Variants in KIAA1217 observed in about 807,000 individuals in gnomAD.
KIAA1217 encodes the protein sickle tail protein homolog.
KIAA1217 carries 88 observed loss-of-function variants against 163.9 expected under a neutral mutation model. That is an observed-to-expected ratio of 0.54 (90% CI 0.45 to 0.64). The LOEUF (loss-of-function observed/expected upper bound fraction) is 0.64, where lower values mean the gene tolerates loss of function less well. Ranked by LOEUF, KIAA1217 falls within the 30% of genes least tolerant of loss-of-function variation. The probability of loss-of-function intolerance (pLI) is 0.00; values close to 1 mark genes in which losing one functional copy is unlikely to be tolerated. For missense variants in KIAA1217, 2,372 were observed against 2,475.0 expected (o/e 0.96, Z 0.88); for synonymous variants, 903 against 923.1 (o/e 0.98, Z 0.39).
intron 6 of KIAA1217, among the ~76,000 whole-genome samples, chr10:24,478,868 T>C (rs1046887616): frequency 1.3e-5 from 2 of 152,264 alleles, no homozygotes; most frequent in Non-Finnish European, 2.9e-5. Context: ...ATACCTTTAG[T>C]GAAATAACAC....
chr10:23,923,383 G>C (rs1842917324), intron 1 of KIAA1217, among the ~76,000 whole-genome samples: 1 of 152,192 alleles, frequency 6.6e-6, no homozygotes, highest in Admixed American at 6.5e-5. Flanking sequence ...TCACACTGTG[G>C]TAGGGTGGAT....
chr10:23,803,815 C>A (rs1836600056), intron 1 of KIAA1217, among the ~76,000 whole-genome samples: 1 of 152,064 alleles, frequency 6.6e-6, no homozygotes, highest in South Asian at 2.1e-4. Context: ...TCTCAAATTG[C>A]ATTTTGATGA....
rs1254469621 is a variant in KIAA1217, at chr10:24,002,497, G to C, written c.-320-4728G>C. ...CCAGGCCTCCTCAGATGCCCAGTGG[G>C]TCCACCAGAGGCTCTGGCGGGGACC... On this transcript the variant is annotated intron_variant, in intron 1 of 18. Transcript: ENST00000376462. Among the ~76,000 whole-genome samples, 3 of 152,072 alleles carry C rather than the reference G, an allele frequency of 2.0e-5. No individual in the cohort carries two copies. In the East Asian group the frequency reaches 5.8e-4, roughly 29 times the overall value.
intron 1 of KIAA1217, among the ~76,000 whole-genome samples, chr10:24,218,965 T>A (rs754488989): frequency 1.3e-5 from 2 of 152,170 alleles, no homozygotes; most frequent in Non-Finnish European, 2.9e-5. Flanking sequence ...TATATAAGAA[T>A]CCTGTTACCA....
chr10:24,332,021 G>A (rs1182090607), intron 2 of KIAA1217, among the ~76,000 whole-genome samples: 3 of 152,192 alleles, frequency 2.0e-5, no homozygotes, highest in African/African-American at 7.2e-5. Context: ...GGCTGGTCTT[G>A]CACTCCTAAC....
At chr10:23,712,024 T>C (rs1048904727) in intron 1 of KIAA1217, among the ~76,000 whole-genome samples, 1 of 152,124 alleles carries the variant, frequency 6.6e-6, no homozygotes, top group African/African-American at 2.4e-5. Context: ...TGTCAGAGAA[T>C]GACCTTCACC....
At chr10:24,451,162 C>G (rs970635633) in intron 5 of KIAA1217, among the ~76,000 whole-genome samples, 1 of 152,166 alleles carries the variant, frequency 6.6e-6, no homozygotes, top group African/African-American at 2.4e-5. Flanking sequence ...ACCTTTCCTG[C>G]TCTCTTCTTT....
intron 1 of KIAA1217, among the ~76,000 whole-genome samples, chr10:23,805,741 C>T (rs150921140): frequency 0.013 from 1,914 of 151,994 alleles, 36 homozygotes; most frequent in African/African-American, 0.042. Flanking sequence ...GGGCCAGGTG[C>T]GGTGGCTCAC....
At chr10:23,718,037 T>C (rs192874697) in intron 1 of KIAA1217, among the ~76,000 whole-genome samples, 3 of 152,364 alleles carry the variant, frequency 2.0e-5, no homozygotes, top group African/African-American at 7.2e-5. Context: ...TTGGTTCGTC[T>C]AAGTCCTCCT....
At chr10:24,232,935 C>CAAAAAAAAAAAAAAA (rs908492411) in intron 2 of KIAA1217, among the ~76,000 whole-genome samples, 10 of 56,314 alleles carry the variant, frequency 1.8e-4, no homozygotes, top group South Asian at 2.0e-3. Flanking sequence ...CTTATCTCTA[C>CAAAAAAAAAAAAAAA]AAAAAAAAAA....
intron 5 of KIAA1217, chr10:24,466,432 T>G: frequency 1.9e-4 from 126 of 673,034 alleles, no homozygotes; most frequent in South Asian, 3.3e-4. Flanking sequence ...GAGTCACCCG[T>G]GAGGTAGCCT....
At chr10:24,093,834 T>C (rs922993142) in intron 2 of KIAA1217, among the ~76,000 whole-genome samples, 10 of 124,584 alleles carry the variant, frequency 8.0e-5, no homozygotes, top group Non-Finnish European at 1.3e-4. Context: ...CAGAGTGTGA[T>C]GTTCCCCTTC....
At chr10:24,191,825 C>T (rs1416107575) in intron 2 of KIAA1217, among the ~76,000 whole-genome samples, 3 of 152,238 alleles carry the variant, frequency 2.0e-5, no homozygotes, top group African/African-American at 7.2e-5. Flanking sequence ...GCAACCTCAA[C>T]TCACTGCAAC....
At chr10:23,865,557 A>G (rs1379892975) in intron 1 of KIAA1217, among the ~76,000 whole-genome samples, 2 of 152,092 alleles carry the variant, frequency 1.3e-5, no homozygotes, top group African/African-American at 4.8e-5. Flanking sequence ...ATCATTGAAC[A>G]TTCTAAATGT....
At chr10:24,396,737 G>A (rs1214919474) in intron 3 of KIAA1217, among the ~76,000 whole-genome samples, 2 of 152,192 alleles carry the variant, frequency 1.3e-5, no homozygotes, top group East Asian at 1.9e-4. Flanking sequence ...CAGCAAAAAG[G>A]CCACTATGAT....
chr10:24,057,184 C>A (rs559794096), intron 2 of KIAA1217, among the ~76,000 whole-genome samples: 12 of 152,062 alleles, frequency 7.9e-5, no homozygotes, highest in Non-Finnish European at 1.8e-4. Context: ...GAGGTGGAGG[C>A]TGCAGTGAAC....
chr10:23,993,601 A>G lies in KIAA1217; in HGVS notation c.-320-13624A>G, dbSNP rs1373158792. 2.8e-5 allele frequency among the ~76,000 whole-genome samples: 3 copies of G among 106,848 alleles called. No individual in the cohort carries two copies. In the Admixed American group the frequency reaches 3.5e-4, roughly 13 times the overall value. The allele number at this position is 106,848 out of a possible 152,430, so 70.1% of individuals were successfully genotyped here. ...GACAGAGTCTCATTCTGTTGCCTAGACTGGAGTGCAGTGGCATGATCTCAG... is the reference window on the plus strand; with the variant it reads ...GACAGAGTCTCATTCTGTTGCCTAGGCTGGAGTGCAGTGGCATGATCTCAG... On this transcript the variant is annotated intron_variant, in intron 1 of 18. Coordinates refer to the KIAA1217 transcript ENST00000376462.
At chr10:24,410,838 C>T (rs979123220) in intron 3 of KIAA1217, among the ~76,000 whole-genome samples, 2 of 152,228 alleles carry the variant, frequency 1.3e-5, no homozygotes, top group African/African-American at 4.8e-5. Context: ...TTTCTGTTCT[C>T]TCCATTCTTT....
chr10:23,907,285 A>G (rs1453639562), intron 1 of KIAA1217, among the ~76,000 whole-genome samples: 1 of 147,222 alleles, frequency 6.8e-6, no homozygotes, highest in Non-Finnish European at 1.5e-5. Flanking sequence ...AAGAGAACCA[A>G]TATGATTTGT....
Sources: allele counts gnomAD v4.1 joint callset (sites outside exome capture counted in the v4.1 genomes callset), GRCh38; gene constraint gnomAD v4.1.1; transcripts MANE v1.5; gene names NCBI Gene and HGNC (gene_info 2026-07-23, HGNC 2026-07-21).